The following SHROOM4 variants were observed in gnomAD, a reference collection of about 807,000 sequenced individuals.
The protein encoded by SHROOM4 is shroom family member 4.
A neutral mutation model predicts 80.3 loss-of-function variants in SHROOM4; 17 were observed. The ratio of observed to expected loss-of-function variants is 0.21; its 90% CI spans 0.14 to 0.32. The LOEUF (loss-of-function observed/expected upper bound fraction) is 0.32, where lower values mean the gene tolerates loss of function less well. Among genes scored for constraint, SHROOM4 ranks in the 10% least tolerant of loss-of-function variants. The probability of loss-of-function intolerance (pLI) is 1.00; values close to 1 mark genes in which losing one functional copy is unlikely to be tolerated. For synonymous variants in SHROOM4, 400 were observed against 437.5 expected (o/e 0.91, Z 1.07); for missense variants, 993 against 1,140.3 (o/e 0.87, Z 1.86).
rs1333724293 is a variant in SHROOM4 at position 50,715,135 on chromosome X, A to T, written c.118-19198T>A. On this transcript the variant is annotated intron_variant, in intron 1 of 8. Coordinates refer to ENST00000376020, the MANE Select transcript of SHROOM4 (RefSeq NM_020717.5). ...GTTTCTATGTTATACAGATTTTTTCATATCCCTCTTATTGCTTGATACGCT... is the reference window on the plus strand; with the variant it reads ...GTTTCTATGTTATACAGATTTTTTCTTATCCCTCTTATTGCTTGATACGCT... Among the ~76,000 whole-genome samples, 3 of 111,196 alleles carry T rather than the reference A, an allele frequency of 2.7e-5. No homozygotes were observed. In the Admixed American group the frequency reaches 2.9e-4, roughly 11 times the overall value.
rs1929758578 is a variant in SHROOM4, at chrX:50,607,875, C to T, written c.3267G>A (p.Ser1089=). Residue 1089 remains serine, a synonymous_variant, in exon 6 of 9, where the codon TCG becomes TCA. Transcript: ENST00000376020. ...CCTTCTTCCTGGCTCCGAGAAGATC[C>T]GACTGGGTCTCATCACCTTTGCTAA... The part of the protein sequence containing the change: ...ELFSKGDETQ[S]DLLGARKKAF... 4 of 1,208,609 alleles carry T rather than the reference C, an allele frequency of 3.3e-6. No homozygotes were observed. The highest frequency in any genetic ancestry group is 3.4e-6 in the Non-Finnish European group (3 of 893,530).
chrX:50,610,352 T>TCTCTCTCTCTCACACACA (rs782591424), intron 5 of SHROOM4, among the ~76,000 whole-genome samples: 6 of 91,718 alleles, frequency 6.5e-5, no homozygotes, highest in African/African-American at 2.7e-4. Context: ...TCTCTCTCTC[T>TCTCTCTCTCTCACACACA]CACACACACA....
At chrX:50,717,362 CG>C (rs1933988208) in intron 1 of SHROOM4, among the ~76,000 whole-genome samples, 2 of 111,661 alleles carry the variant, frequency 1.8e-5, no homozygotes, top group Non-Finnish European at 3.8e-5. Flanking sequence ...GGACTACAGG[CG>C]ACCGCCACCA....
At chrX:50,733,608 T>A (rs940650752) in intron 1 of SHROOM4, among the ~76,000 whole-genome samples, 1 of 111,971 alleles carries the variant, frequency 8.9e-6, no homozygotes, top group South Asian at 3.8e-4. Context: ...TAAATTTCTG[T>A]TTATTATAAA....
chrX:50,641,194 A>G (rs782766048), intron 2 of SHROOM4, among the ~76,000 whole-genome samples: 23 of 112,163 alleles, frequency 2.1e-4, no homozygotes, highest in Non-Finnish European at 3.2e-4. Context: ...GATATTGCCC[A>G]TCATCATTTC....
intron 5 of SHROOM4, among the ~76,000 whole-genome samples, chrX:50,625,055 T>C (rs1249487265): frequency 5.4e-5 from 6 of 111,950 alleles, no homozygotes; most frequent in Non-Finnish European, 7.5e-5. Context: ...GGTATGCTCA[T>C]ATATTGCTAA....
At chrX:50,620,097 C>T (rs1930512572) in intron 5 of SHROOM4, among the ~76,000 whole-genome samples, 2 of 111,457 alleles carry the variant, frequency 1.8e-5, no homozygotes, top group Non-Finnish European at 3.8e-5. Flanking sequence ...TCTTTAACTT[C>T]TCGGGTCTAT....
At chrX:50,652,478 G>C (rs191284056) in intron 2 of SHROOM4, among the ~76,000 whole-genome samples, 1 of 111,449 alleles carries the variant, frequency 9.0e-6, no homozygotes, top group East Asian at 2.8e-4. Flanking sequence ...TTAGCCCTTT[G>C]TCAGATGGAT....
intron 4 of SHROOM4, among the ~76,000 whole-genome samples, chrX:50,630,616 G>C (rs1254194387): frequency 2.7e-5 from 3 of 110,703 alleles, no homozygotes; most frequent in African/African-American, 9.9e-5. Flanking sequence ...AATGTTGAAA[G>C]AAGTTCACAG....
At chrX:50,687,868 C>T (rs1340431288) in intron 2 of SHROOM4, among the ~76,000 whole-genome samples, 1 of 109,554 alleles carries the variant, frequency 9.1e-6, no homozygotes, top group Admixed American at 9.7e-5. Flanking sequence ...ATCAAGAAAA[C>T]CAGTTACTCA....
chrX:50,593,704 G>A lies in SHROOM4; in HGVS notation c.*2991C>T, dbSNP rs1446862286. ...CAGAGCAGCACTGTCAGGGAGGGTC[G>A]GGTTCAGGATGTGGCTCTGGTGTGC... On this transcript the variant is annotated 3_prime_UTR_variant, in exon 9 of 9. Coordinates refer to ENST00000376020, the MANE Select transcript of SHROOM4 (RefSeq NM_020717.5). 8.9e-6 allele frequency: 1 copy of A among 112,537 alleles called. No homozygotes were observed. Among genetic ancestry groups the A allele is most frequent in the East Asian group, 2.8e-4 (1 of 3,566 alleles). 9.3% of individuals were successfully genotyped at this position (112,537 alleles called of 1,213,427 possible). A position where few individuals can be genotyped will look rare whatever the true frequency, so the allele number is the denominator to read the frequency against.
At chrX:50,698,563 AG>A (rs1557263275) in intron 1 of SHROOM4, among the ~76,000 whole-genome samples, 1 of 111,036 alleles carries the variant, frequency 9.0e-6, no homozygotes, top group African/African-American at 3.3e-5. Flanking sequence ...TTCCAGACCC[AG>A]GGTATTTACT....
intron 1 of SHROOM4, among the ~76,000 whole-genome samples, chrX:50,723,452 G>A (rs192989177): frequency 9.3e-6 from 1 of 107,652 alleles, no homozygotes; most frequent in East Asian, 3.0e-4. Flanking sequence ...AGCCTGGGAG[G>A]TTTTTGCAAG....
intron 5 of SHROOM4, among the ~76,000 whole-genome samples, chrX:50,623,593 C>CA (rs1358059530): frequency 1.8e-5 from 2 of 111,969 alleles, no homozygotes; most frequent in African/African-American, 6.5e-5. Flanking sequence ...TAAAATGGTG[C>CA]AGTCGCTTTA....
intron 2 of SHROOM4, among the ~76,000 whole-genome samples, chrX:50,654,734 C>T (rs1932241164): frequency 9.1e-6 from 1 of 110,095 alleles, no homozygotes; most frequent in Non-Finnish European, 1.9e-5. Context: ...CCATTCTACC[C>T]TCTGCTTCTA....
chrX:50,628,823 A>G (rs1930924096), intron 4 of SHROOM4, among the ~76,000 whole-genome samples: 1 of 112,247 alleles, frequency 8.9e-6, no homozygotes, highest in South Asian at 3.7e-4. Context: ...TTGGCACATA[A>G]GAGGCTCTGG....
intron 5 of SHROOM4, among the ~76,000 whole-genome samples, chrX:50,624,044 G>C (rs1227454317): frequency 9.0e-6 from 1 of 111,496 alleles, no homozygotes; most frequent in Admixed American, 9.5e-5. Context: ...GGGCATGAGG[G>C]GTCTTTTTAG....
chrX:50,599,676 A>G, intron 7 of SHROOM4, among the ~76,000 whole-genome samples: 1 of 111,501 alleles, frequency 9.0e-6, no homozygotes. Flanking sequence ...TGTGTTCCTG[A>G]GTAGCTTATG....
In SHROOM4 at chrX:50,592,915, C is replaced by T. The variant is rs1928939377; in HGVS notation, c.*3780G>A. 8.9e-6 allele frequency: 1 copy of T among 111,899 alleles called. No homozygotes were observed. Among genetic ancestry groups the T allele is most frequent in the African/African-American group, 3.3e-5 (1 of 30,725 alleles). The allele number at this position is 111,899 out of a possible 1,213,427, so 9.2% of individuals were successfully genotyped here. A position where few individuals can be genotyped will look rare whatever the true frequency, so the allele number is the denominator to read the frequency against. ...GGGGTTAGACTGGATGTGATGTTGC[C>T]ACTGAGTAACCAGAGAGGAAGAAAT... On this transcript the variant is annotated 3_prime_UTR_variant, in exon 9 of 9. Transcript: ENST00000376020.
Sources: gnomAD v4.1 joint callset for allele counts (sites outside exome capture counted in the v4.1 genomes callset) on GRCh38, gnomAD v4.1.1 for gene constraint, MANE v1.5 for transcripts, NCBI Gene and HGNC (gene_info 2026-07-23, HGNC 2026-07-21) for gene names.